ZC3H12B: variants seen among roughly 807,000 people sequenced by gnomAD.
The protein encoded by ZC3H12B is zinc finger CCCH-type containing 12B.
In ZC3H12B, 7 loss-of-function variants were observed where a neutral mutation model predicts 43.9. The ratio of observed to expected loss-of-function variants is 0.16; its 90% CI spans 0.09 to 0.30. The LOEUF is 0.30. Among genes scored for constraint, ZC3H12B ranks in the 10% least tolerant of loss-of-function variants. The probability of loss-of-function intolerance (pLI) is 1.00; values close to 1 mark genes in which losing one functional copy is unlikely to be tolerated. For synonymous variants in ZC3H12B, 222 were observed against 241.7 expected (o/e 0.92, Z 0.76); for missense variants, 475 against 670.2 (o/e 0.71, Z 3.22).
chrX:65,146,091 A>G, the ZC3H12B span, among the ~76,000 whole-genome samples: 2 of 110,972 alleles, frequency 1.8e-5, no homozygotes, highest in Non-Finnish European at 3.8e-5. Flanking sequence ...AAACTTTTAG[A>G]TTTCTCTTTT....
the ZC3H12B span, among the ~76,000 whole-genome samples, chrX:65,201,723 T>C: frequency 1.9e-5 from 2 of 105,141 alleles, no homozygotes; most frequent in East Asian, 6.1e-4. Flanking sequence ...TTAAGGTCCT[T>C]GATATGGTTT....
chrX:65,480,882 A>G (rs777989920), intron 3 of ZC3H12B, among the ~76,000 whole-genome samples: 4 of 110,946 alleles, frequency 3.6e-5, no homozygotes, highest in Middle Eastern at 4.6e-3. Context: ...AGGATGAAAT[A>G]TTTAATAAAA....
the ZC3H12B span, among the ~76,000 whole-genome samples, chrX:65,320,806 T>G: frequency 1.8e-5 from 2 of 112,171 alleles, no homozygotes; most frequent in East Asian, 5.6e-4. Flanking sequence ...GAAGGGAGTT[T>G]CTTTTCAATA....
chrX:65,163,043 G>A, the ZC3H12B span, among the ~76,000 whole-genome samples: 1 of 111,893 alleles, frequency 8.9e-6, no homozygotes, highest in Non-Finnish European at 1.9e-5. Context: ...TCCAGACCCT[G>A]TTTGCCTGGG....
At chrX:65,456,205 G>C (rs1037611478) in intron 3 of ZC3H12B, among the ~76,000 whole-genome samples, 2 of 111,096 alleles carry the variant, frequency 1.8e-5, no homozygotes, top group South Asian at 3.8e-4. Flanking sequence ...GAGTCAAGAC[G>C]CATCAGTGTG....
intron 1 of ZC3H12B, among the ~76,000 whole-genome samples, chrX:65,491,372 T>C (rs2068199777): frequency 8.9e-6 from 1 of 111,786 alleles, no homozygotes; most frequent in Non-Finnish European, 1.9e-5. Flanking sequence ...CCAATTCTCT[T>C]TTCATAATAT....
At chrX:65,436,701 T>G (rs1368817597) in intron 3 of ZC3H12B, among the ~76,000 whole-genome samples, 1 of 111,678 alleles carries the variant, frequency 9.0e-6, no homozygotes, top group African/African-American at 3.3e-5. Context: ...ATTTTTAAAC[T>G]GTGTGGGTAC....
At chrX:65,407,732 C>G (rs983311755) in intron 3 of ZC3H12B, among the ~76,000 whole-genome samples, 7 of 113,638 alleles carry the variant, frequency 6.2e-5, no homozygotes, top group Non-Finnish European at 1.1e-4. Context: ...TCGGAGTCAC[C>G]GCGCCCCCGC....
the ZC3H12B span, among the ~76,000 whole-genome samples, chrX:65,177,138 A>G: frequency 8.9e-6 from 1 of 112,401 alleles, no homozygotes; most frequent in Non-Finnish European, 1.9e-5. Context: ...ACAAAGCATT[A>G]AACATAATCC....
intron 2 of ZC3H12B, among the ~76,000 whole-genome samples, chrX:65,385,443 G>C (rs771352754): frequency 1.6e-4 from 18 of 111,135 alleles, no homozygotes; most frequent in East Asian, 1.1e-3. Flanking sequence ...TGATTTGGCT[G>C]TCTGTTTGCC....
the ZC3H12B span, among the ~76,000 whole-genome samples, chrX:65,062,723 A>C: frequency 8.9e-6 from 1 of 111,983 alleles, no homozygotes; most frequent in East Asian, 2.8e-4. Context: ...GATGGGAATA[A>C]CATTGAATCT....
At chrX:65,390,194 G>T (rs2066592608) in intron 2 of ZC3H12B, among the ~76,000 whole-genome samples, 1 of 110,637 alleles carries the variant, frequency 9.0e-6, no homozygotes, top group Non-Finnish European at 1.9e-5. Flanking sequence ...ACTCATAGGT[G>T]GGAATTGAAC....
chrX:65,386,051 A>G (rs1374396348), intron 2 of ZC3H12B, among the ~76,000 whole-genome samples: 2 of 112,145 alleles, frequency 1.8e-5, no homozygotes, highest in Non-Finnish European at 3.8e-5. Flanking sequence ...GTTTACCAGT[A>G]TTTTATTGAA....
intron 2 of ZC3H12B, among the ~76,000 whole-genome samples, chrX:65,382,705 C>G (rs2066460697): frequency 9.0e-6 from 1 of 111,462 alleles, no homozygotes; most frequent in African/African-American, 3.3e-5. Flanking sequence ...TAGAAAACCC[C>G]ATCATCTCAG....
At chrX:65,207,297 T>G in the ZC3H12B span, among the ~76,000 whole-genome samples, 1 of 108,202 alleles carries the variant, frequency 9.2e-6, no homozygotes, top group African/African-American at 3.4e-5. Flanking sequence ...GGTCTACTAC[T>G]CACCCATAAA....
chrX:65,253,136 G>T, the ZC3H12B span, among the ~76,000 whole-genome samples: 1 of 111,994 alleles, frequency 8.9e-6, no homozygotes, highest in Non-Finnish European at 1.9e-5. Flanking sequence ...ATCTGCCACC[G>T]AGGGACCAGG....
At chrX:65,330,793 G>T in the ZC3H12B span, 1 of 154,887 alleles carries the variant, frequency 6.5e-6, no homozygotes. Flanking sequence ...ATGTGTTGCT[G>T]GATTCGGTTT....
chrX:65,226,939 T>A, the ZC3H12B span, among the ~76,000 whole-genome samples: 1 of 111,076 alleles, frequency 9.0e-6, no homozygotes, highest in Non-Finnish European at 1.9e-5. Context: ...AATGGGAGAC[T>A]TTAACACCCC....
At chrX:65,339,016 G>A in the ZC3H12B span, among the ~76,000 whole-genome samples, 2 of 112,009 alleles carry the variant, frequency 1.8e-5, no homozygotes, top group Non-Finnish European at 3.8e-5. Context: ...AGAGCAATAA[G>A]GCAAGAGAAA....
Sources: allele counts gnomAD v4.1 joint callset (sites outside exome capture counted in the v4.1 genomes callset), GRCh38; gene constraint gnomAD v4.1.1; transcripts MANE v1.5; gene names NCBI Gene and HGNC (gene_info 2026-07-23, HGNC 2026-07-21).